ZFHX3: variants seen among roughly 807,000 people sequenced by gnomAD.
ZFHX3 encodes zinc finger homeobox protein 3.
A neutral mutation model predicts 279.1 loss-of-function variants in ZFHX3; 42 were observed. That is an observed-to-expected ratio of 0.15 (90% confidence interval 0.12 to 0.19). The LOEUF (loss-of-function observed/expected upper bound fraction) is 0.19. Ranked by LOEUF, ZFHX3 falls within the 10% of genes least tolerant of loss-of-function variation. The pLI is 1.00. For missense variants in ZFHX3, 4,981 were observed against 4,754.0 expected (o/e 1.05, Z -1.40); for synonymous variants, 2,293 against 1,957.8 (o/e 1.17, Z -4.52).
rs116573155 is a variant in ZFHX3 at position 73,834,868 on chromosome 16, G to A, written c.-1608+56783C>T. ...CAGCACCACGGCATTCCAGCCTGGCGACAGTACGAGACTTCGTCTCAAAAA... is the reference window on the plus strand; with the variant it reads ...CAGCACCACGGCATTCCAGCCTGGCAACAGTACGAGACTTCGTCTCAAAAA... On this transcript the variant is annotated intron_variant, in intron 1 of 17. Transcript: ENST00000641206. Among the ~76,000 whole-genome samples, 608 of 151,826 alleles carry A rather than the reference G, an allele frequency of 4.0e-3. 6 individuals are homozygous for A. Among genetic ancestry groups the A allele is most frequent in the African/African-American group, 0.014 (566 of 41,442 alleles).
intron 3 of ZFHX3, among the ~76,000 whole-genome samples, chr16:72,938,834 C>CA (rs1338924147): frequency 1.3e-5 from 2 of 152,132 alleles, no homozygotes; most frequent in Non-Finnish European, 2.9e-5. Context: ...CTGCAGCCAT[C>CA]ACTAATGTGA....
At chr16:72,999,971 G>A (rs146347691) in intron 1 of ZFHX3, among the ~76,000 whole-genome samples, 178 of 152,312 alleles carry the variant, frequency 1.2e-3, no homozygotes, top group African/African-American at 3.9e-3. Flanking sequence ...CTGGCTTGTC[G>A]CTTTGGCTGC....
intron 1 of ZFHX3, among the ~76,000 whole-genome samples, chr16:73,723,245 G>C (rs958702507): frequency 1.3e-5 from 2 of 152,130 alleles, no homozygotes; most frequent in Non-Finnish European, 2.9e-5. Context: ...ATTATGTGTA[G>C]AGAGTTTAGT....
At chr16:73,798,104 C>T (rs1000353749) in intron 1 of ZFHX3, among the ~76,000 whole-genome samples, 9 of 152,094 alleles carry the variant, frequency 5.9e-5, no homozygotes, top group Middle Eastern at 3.2e-3. Flanking sequence ...CCACCGCACT[C>T]GGTCCTTCTG....
At chr16:73,842,380 T>C (rs1961333402) in intron 1 of ZFHX3, among the ~76,000 whole-genome samples, 1 of 151,956 alleles carries the variant, frequency 6.6e-6, no homozygotes. Context: ...GGGAAGGAAT[T>C]ACCCCCCAGC....
intron 3 of ZFHX3, among the ~76,000 whole-genome samples, chr16:73,450,089 C>CTGAT (rs2018257673): frequency 6.6e-6 from 1 of 152,136 alleles, no homozygotes; most frequent in Admixed American, 6.5e-5. Context: ...ACACTGTGTA[C>CTGAT]TGATTACCAC....
intron 3 of ZFHX3, among the ~76,000 whole-genome samples, chr16:73,439,925 AAAAAAAAC>A (rs1567484699): frequency 1.4e-5 from 2 of 145,920 alleles, no homozygotes; most frequent in African/African-American, 5.5e-5. Flanking sequence ...AAAAAAAAAA[AAAAAAAAC>A]ACAAAAAAAA....
intron 1 of ZFHX3, among the ~76,000 whole-genome samples, chr16:73,726,574 C>T (rs2053520775): frequency 6.6e-6 from 1 of 152,170 alleles, no homozygotes; most frequent in Non-Finnish European, 1.5e-5. Context: ...GTTTGAGTGG[C>T]TCACCATTCT....
Position 72,785,924 on chromosome 16 carries a change from A to G in ZFHX3, c.*1240T>C, listed in dbSNP as rs1376051352. On this transcript the variant is annotated 3_prime_UTR_variant, in exon 10 of 10. Coordinates refer to ENST00000268489, the MANE Select transcript of ZFHX3 (RefSeq NM_006885.4). Reference sequence around the variant, plus strand: ...TTTAAAAAGTTTCAACTCCCCAACCAAAAATAATCTGTGAGGATCCTAATG... The same window carrying G: ...TTTAAAAAGTTTCAACTCCCCAACCGAAAATAATCTGTGAGGATCCTAATG... The G allele has an allele frequency of 6.6e-6, 1 of 152,222 alleles. No individual in the cohort carries two copies. The highest frequency in any genetic ancestry group is 2.4e-5 in the African/African-American group (1 of 41,456). 9.4% of individuals were successfully genotyped at this position (152,222 alleles called of 1,614,324 possible).
chr16:73,028,394 G>C (rs1031413071), intron 1 of ZFHX3, among the ~76,000 whole-genome samples: 2 of 152,156 alleles, frequency 1.3e-5, no homozygotes, highest in Non-Finnish European at 2.9e-5. Flanking sequence ...ACATGCCCAG[G>C]TGTGGCCAGG....
At chr16:73,058,918 AGGC>A (rs532710699) in exon 1 of ZFHX3, 104 of 150,896 alleles carry the variant, frequency 6.9e-4, no homozygotes, top group South Asian at 3.0e-3. Context: ...GATGCAAAGC[AGGC>A]GGCGGCGGCG....
At position 73,722,607 on chromosome 16, in the gene ZFHX3, AC is replaced by A. The variant is rs1389176453; in HGVS notation, c.-1607-42368del. 2.6e-5 allele frequency among the ~76,000 whole-genome samples: 4 copies of A among 152,306 alleles called. No homozygotes were observed. The East Asian group carries it at 7.7e-4, about 29-fold the overall frequency. The stretch of plus-strand genomic sequence containing the variant: ...TATGCCCAGATCTCTAGAAAAGTGT[AC>A]TTTTTTTTTCTAAGAGAGAACTAAA... On this transcript the variant is annotated intron_variant, in intron 1 of 17. Transcript: ENST00000641206.
intron 1 of ZFHX3, among the ~76,000 whole-genome samples, chr16:73,706,303 ATACAAAAAAT>A (rs1199097472): frequency 6.6e-6 from 1 of 151,986 alleles, no homozygotes; most frequent in African/African-American, 2.4e-5. Flanking sequence ...TCTCCTAAAG[ATACAAAAAAT>A]TAGCTGGGTG....
At chr16:73,639,968 A>C (rs996256594) in intron 2 of ZFHX3, among the ~76,000 whole-genome samples, 1 of 152,222 alleles carries the variant, frequency 6.6e-6, no homozygotes, top group African/African-American at 2.4e-5. Flanking sequence ...GATCTGAAAG[A>C]GGCTAAAAAT....
At chr16:73,427,180 A>G (rs2017824814) in intron 3 of ZFHX3, among the ~76,000 whole-genome samples, 1 of 152,226 alleles carries the variant, frequency 6.6e-6, no homozygotes, top group Admixed American at 6.5e-5. Flanking sequence ...TGTTGCTGGA[A>G]AGATCAGCAT....
Position 72,795,480 on chromosome 16 carries a change from G to C in ZFHX3, c.7202C>G (p.Thr2401Arg). The C allele has an allele frequency of 6.2e-7, 1 of 1,614,190 alleles. No homozygotes were observed. Among genetic ancestry groups the C allele is most frequent in the Non-Finnish European group, 8.5e-7 (1 of 1,180,040 alleles). ...YSAPAPSANN[T>R]ASSAFLQLTA... ...AAGCTGCAAGAAAGCGGAGGAAGCT[G>C]TATTATTGGCTGATGGTGCTGGGGC... The change falls in exon 9 of 10, where the codon ACA becomes AGA. Residue 2401 changes from threonine (T) to arginine (R), a missense_variant. Thr to Arg is a moderately conservative substitution (Grantham distance 71, BLOSUM62 -1). Transcript: ENST00000268489.
chr16:73,127,701 A>G lies in ZFHX3; in HGVS notation c.-897+3267T>C, dbSNP rs1966595336. ...ACCCCGATGCTTTTTCCTGAACCTC[A>G]CTCAGTAAGGGCTGTTGAAACTAAT... is the stretch of plus-strand genomic sequence containing the variant. On this transcript the variant is annotated intron_variant, in intron 7 of 17. Transcript: ENST00000641206. 3.8e-6 allele frequency: 4 copies of G among 1,062,512 alleles called. No individual in the cohort carries two copies. In the South Asian group the frequency reaches 6.4e-5, roughly 17 times the overall value. 65.8% of individuals were successfully genotyped at this position (1,062,512 alleles called of 1,614,324 possible).
intron 3 of ZFHX3, among the ~76,000 whole-genome samples, chr16:73,373,537 G>A (rs1353659323): frequency 6.6e-6 from 1 of 152,184 alleles, no homozygotes; most frequent in Non-Finnish European, 1.5e-5. Context: ...TCCCCTTCCA[G>A]TTCAACTCCT....
At chr16:72,887,645 G>A (rs985259453) in intron 4 of ZFHX3, among the ~76,000 whole-genome samples, 2 of 149,586 alleles carry the variant, frequency 1.3e-5, no homozygotes, top group East Asian at 2.0e-4. Flanking sequence ...TGTGGGGTGT[G>A]TGGGGGTACA....
Sources: allele counts gnomAD v4.1 joint callset (sites outside exome capture counted in the v4.1 genomes callset), GRCh38; gene constraint gnomAD v4.1.1; transcripts MANE v1.5; gene names NCBI Gene and HGNC (gene_info 2026-07-23, HGNC 2026-07-21).